Variants in ALOXE3 observed in about 807,000 individuals in gnomAD.
ALOXE3 encodes the protein arachidonate epidermal lipoxygenase 3, also known as hydroperoxide isomerase ALOXE3.
A neutral mutation model predicts 87.5 loss-of-function variants in ALOXE3; 78 were observed. The ratio of observed to expected loss-of-function variants is 0.89; its 90% CI spans 0.74 to 1.08. The LOEUF (loss-of-function observed/expected upper bound fraction) is 1.08. ALOXE3 is among the 50% of genes least tolerant of loss of function. The probability of loss-of-function intolerance (pLI) is 0.00; values close to 1 mark genes in which losing one functional copy is unlikely to be tolerated. For synonymous variants in ALOXE3, 363 were observed against 370.8 expected (o/e 0.98, Z 0.24); for missense variants, 946 against 912.4 (o/e 1.04, Z -0.47).
At chr17:8,105,346 C>A (rs114597673) in intron 13 of ALOXE3, among the ~76,000 whole-genome samples, 2,093 of 136,496 alleles carry the variant, frequency 0.015, 49 homozygotes, top group African/African-American at 0.055. Flanking sequence ...TAGCACCTCT[C>A]CTTCCTTCAG....
intron 13 of ALOXE3, 82 bp downstream of exon 13, chr17:8,108,386 A>T: frequency 6.4e-7 from 1 of 1,570,252 alleles, no homozygotes. Context: ...GCTGGTCAAT[A>T]AATAACTGAT....
At position 8,108,506 on chromosome 17, in the gene ALOXE3, T is replaced by C. The variant is rs745709387; in HGVS notation, c.1646A>G (p.Glu549Gly). 1.2e-6 allele frequency: 2 copies of C among 1,613,550 alleles called. No individual in the cohort carries two copies. The highest frequency in any genetic ancestry group is 3.3e-5 in the Admixed American group (2 of 60,006). Residue 549 changes from glutamate (E) to glycine (G), a missense_variant, in exon 13 of 16, where the codon GAG (glutamate) becomes GGG (glycine). Coordinates refer to ENST00000448843, the MANE Select transcript of ALOXE3 (RefSeq NM_021628.3). The stretch of plus-strand genomic sequence containing the variant: ...GCCCAGGAACGCCTGAGCAAAAATC[T>C]CGCCAGTCCAGGCCTGCAGCTCCGA... The part of the protein sequence containing the change: ...QDSELQAWTG[E>G]IFAQAFLGRE...
chr17:8,110,471 G>C lies in ALOXE3; in HGVS notation c.1015C>G (p.Leu339Val), dbSNP rs770333879. The C allele has an allele frequency of 1.2e-6, 2 of 1,613,876 alleles. No individual in the cohort carries two copies. The highest frequency in any genetic ancestry group is 1.3e-5 in the African/African-American group (1 of 75,042). ...WILAEAPTHC[L>V]NGRQQYVAAP... ...GCCACGTACTGCTGGCGGCCGTTTA[G>C]GCAGTGGGTGGGGGCCTCCGCCAGG... The change falls in exon 9 of 16, where the codon CTA (leucine) becomes GTA (valine). Residue 339 changes from leucine (L) to valine (V), a missense_variant. Leu to Val is a conservative substitution (Grantham distance 32). Coordinates refer to ENST00000448843, the MANE Select transcript of ALOXE3 (RefSeq NM_021628.3).
chr17:8,111,637 A>G (rs2151841248), intron 7 of ALOXE3, 106 bp from the exon 8 acceptor site: 1 of 1,166,100 alleles, frequency 8.6e-7, no homozygotes, highest in South Asian at 1.3e-5. Context: ...CTTCCCAAAA[A>G]CTCTATGAGG....
chr17:8,105,238 T>TCCTGATAGTTCTCAAGGCCTC, intron 13 of ALOXE3, among the ~76,000 whole-genome samples: 1 of 152,318 alleles, frequency 6.6e-6, no homozygotes, highest in East Asian at 1.9e-4. Flanking sequence ...GTGCAGGCCT[T>TCCTGATAGTTCTCAAGGCCTC]CCTGATAGTT....
At chr17:8,100,561 A>G (rs1395665203) in intron 15 of ALOXE3, among the ~76,000 whole-genome samples, 1 of 152,170 alleles carries the variant, frequency 6.6e-6, no homozygotes, top group African/African-American at 2.4e-5. Context: ...GTTTTTTTTG[A>G]AATAACAAGT....
At chr17:8,114,890 C>A (rs758740933) in intron 5 of ALOXE3, 48 bp downstream of exon 5, 1 of 1,613,144 alleles carries the variant, frequency 6.2e-7, no homozygotes, top group Non-Finnish European at 8.5e-7. Context: ...TCCCGACAGA[C>A]CTTCCACTTG....
chr17:8,114,563 G>C lies in ALOXE3; in HGVS notation c.601C>G (p.Pro201Ala). 6.2e-7 allele frequency: 1 copy of C among 1,614,056 alleles called. No individual in the cohort carries two copies. The highest frequency in any genetic ancestry group is 8.5e-7 in the Non-Finnish European group (1 of 1,179,984). ...LPGFPMKIDI[P>A]SLMYMEPNVR... ...TTGGGCTCCATGTACATCAGGGATG[G>C]GATGTCAATTTTCATGGGGAAGCCG... The change falls in exon 6 of 16, where the codon CCA (proline) becomes GCA (alanine). Residue 201 changes from proline (P) to alanine (A), a missense_variant. Physicochemically the swap from Pro to Ala is conservative, Grantham distance 27. Coordinates refer to ENST00000448843, the MANE Select transcript of ALOXE3 (RefSeq NM_021628.3).
chr17:8,107,282 C>T (rs1427989518), intron 13 of ALOXE3, among the ~76,000 whole-genome samples: 2 of 152,134 alleles, frequency 1.3e-5, no homozygotes, highest in South Asian at 2.1e-4. Flanking sequence ...TTCGGGAGGC[C>T]GAGGTGGGCA....
intron 15 of ALOXE3, among the ~76,000 whole-genome samples, chr17:8,099,385 G>A (rs2151829377): frequency 6.6e-6 from 1 of 151,820 alleles, no homozygotes; most frequent in Non-Finnish European, 1.5e-5. Context: ...CTACCAGCCG[G>A]GCGCGGAGGC....
At chr17:8,098,898 A>G (rs1248517678) in intron 15 of ALOXE3, among the ~76,000 whole-genome samples, 10 of 151,952 alleles carry the variant, frequency 6.6e-5, no homozygotes, top group African/African-American at 2.4e-4. Context: ...TCACCCAGGC[A>G]GAAGTGTAGC....
chr17:8,104,179 A>G lies in ALOXE3; in HGVS notation c.1721T>C (p.Val574Ala). Residue 574 changes from valine to alanine, a missense_variant, in exon 14 of 16, where the codon GTG becomes GCG. Transcript: ENST00000448843. ...GAAGATGATTGCAGTGAGGAACTTC[A>G]CCATCTCTCCTGGGGTGCACAGCCG... Reference protein sequence around the residue: ...PSRLCTPGEMVKFLTAIIFNC... With the variant: ...PSRLCTPGEMAKFLTAIIFNC... 4.3e-6 allele frequency: 7 copies of G among 1,613,940 alleles called. No individual in the cohort carries two copies. The highest frequency in any genetic ancestry group is 5.9e-6 in the Non-Finnish European group (7 of 1,179,978).
chr17:8,100,775 C>A (rs370336252), intron 15 of ALOXE3, among the ~76,000 whole-genome samples: 1 of 152,014 alleles, frequency 6.6e-6, no homozygotes, highest in East Asian at 1.9e-4. Context: ...TGTGCCATTG[C>A]ACCTGGCTTA....
At chr17:8,118,722 G>A (rs565648171), upstream of ALOXE3, 1 of 1,537,316 alleles carries the variant, frequency 6.5e-7, no homozygotes, top group African/African-American at 1.4e-5. Context: ...GAGTAGGGCA[G>A]GTCAGGAAAG....
intron 13 of ALOXE3, among the ~76,000 whole-genome samples, chr17:8,107,793 C>T (rs76966166): frequency 4.8e-5 from 4 of 83,990 alleles, no homozygotes; most frequent in Non-Finnish European, 1.0e-4. Flanking sequence ...AGGGAGACTC[C>T]GTCTCAAAAA....
Position 8,106,327 on chromosome 17 carries a change from T to C in ALOXE3, c.1685-2112A>G, listed in dbSNP as rs189141764. 4.4e-3 allele frequency among the ~76,000 whole-genome samples: 671 copies of C among 152,176 alleles called. 2 individuals carry two copies. The highest frequency in any genetic ancestry group is 6.5e-3 in the Non-Finnish European group (440 of 68,004). ...TGGGAGGCAAGACCAGACATCCGCC[T>C]GGGAGTGTGTGGGAGTTTTCTGAAG... is the stretch of plus-strand genomic sequence containing the variant. On this transcript the variant is annotated intron_variant, in intron 13 of 15. Coordinates refer to ENST00000448843, the MANE Select transcript of ALOXE3 (RefSeq NM_021628.3).
chr17:8,108,822 G>A (rs142272275), intron 12 of ALOXE3, among the ~76,000 whole-genome samples: 1 of 152,218 alleles, frequency 6.6e-6, no homozygotes, highest in Non-Finnish European at 1.5e-5. Flanking sequence ...GGGTGGGCAG[G>A]GGAGTGCACG....
At position 8,118,059 on chromosome 17, in the gene ALOXE3, G is replaced by C. The variant is rs747355143; in HGVS notation, c.-69C>G. 3 of 1,584,074 alleles carry C rather than the reference G, an allele frequency of 1.9e-6. No homozygotes were observed. The highest frequency in any genetic ancestry group is 3.3e-4 in the Middle Eastern group (2 of 6,024). On this transcript the variant is annotated 5_prime_UTR_variant, in exon 2 of 16. Coordinates refer to ENST00000448843, the MANE Select transcript of ALOXE3 (RefSeq NM_021628.3). ...AGCAGCCGGCCTGGAGGAGAAGAGC[G>C]GCACGCCGGACAGGGCTGGGTTTCT...
intron 6 of ALOXE3, among the ~76,000 whole-genome samples, chr17:8,112,781 A>G (rs1188604283): frequency 6.6e-6 from 1 of 150,450 alleles, no homozygotes; most frequent in Non-Finnish European, 1.5e-5. Flanking sequence ...AGTGAGCACT[A>G]TTTTTTTTTT....
Sources: allele counts gnomAD v4.1 joint callset (sites outside exome capture counted in the v4.1 genomes callset), GRCh38; gene constraint gnomAD v4.1.1; transcripts MANE v1.5; gene names NCBI Gene and HGNC (gene_info 2026-07-23, HGNC 2026-07-21).